The following AUH variants were observed in gnomAD, a reference collection of about 807,000 sequenced individuals.
AUH encodes AU RNA binding methylglutaconyl-CoA hydratase.
In AUH, 29 loss-of-function variants were observed where a neutral mutation model predicts 42.3. The ratio of observed to expected loss-of-function variants is 0.69; its 90% CI spans 0.51 to 0.93. The LOEUF is 0.93. AUH is among the 40% of genes least tolerant of loss of function. AUH has a pLI of 0.00. For missense variants in AUH, 452 were observed against 438.1 expected (o/e 1.03, Z -0.28); for synonymous variants, 174 against 166.4 (o/e 1.05, Z -0.35).
intron 3 of AUH, among the ~76,000 whole-genome samples, chr9:91,331,663 C>T (rs1273850066): frequency 6.6e-6 from 1 of 152,136 alleles, no homozygotes; most frequent in Non-Finnish European, 1.5e-5. Context: ...ATTTTAAACA[C>T]CACCCACTAT....
At chr9:91,264,227 T>C (rs893719214) in intron 6 of AUH, among the ~76,000 whole-genome samples, 1 of 152,218 alleles carries the variant, frequency 6.6e-6, no homozygotes, top group African/African-American at 2.4e-5. Flanking sequence ...TGTCATAATC[T>C]GACCACTACA....
intron 4 of AUH, among the ~76,000 whole-genome samples, chr9:91,308,022 C>T (rs62565788): frequency 0.052 from 7,978 of 152,150 alleles, 436 homozygotes; most frequent in East Asian, 0.31. Context: ...TAAGGTAGTA[C>T]CAAAATACAA....
intron 3 of AUH, among the ~76,000 whole-genome samples, chr9:91,330,657 A>G (rs963484157): frequency 2.0e-5 from 3 of 152,184 alleles, no homozygotes; most frequent in Non-Finnish European, 4.4e-5. Context: ...ACTATTAGAA[A>G]CAGCTAAAAG....
chr9:91,281,508 G>A (rs972360006), intron 6 of AUH, among the ~76,000 whole-genome samples: 15 of 152,098 alleles, frequency 9.9e-5, no homozygotes, highest in African/African-American at 3.1e-4. Flanking sequence ...GGCTGCTCTC[G>A]AAAACTCCAC....
intron 6 of AUH, among the ~76,000 whole-genome samples, chr9:91,265,423 G>A (rs1829921523): frequency 6.6e-6 from 1 of 151,684 alleles, no homozygotes; most frequent in African/African-American, 2.4e-5. Context: ...TTCTGTATTA[G>A]CTGTTTCCTT....
chr9:91,275,481 T>C (rs999258274), intron 6 of AUH, among the ~76,000 whole-genome samples: 1 of 152,190 alleles, frequency 6.6e-6, no homozygotes, highest in Admixed American at 6.5e-5. Context: ...TGGCTGGGAA[T>C]AGAACGGGAA....
intron 6 of AUH, among the ~76,000 whole-genome samples, chr9:91,232,855 C>G (rs1827966411): frequency 2.0e-5 from 3 of 152,302 alleles, no homozygotes; most frequent in African/African-American, 7.2e-5. Context: ...TAACCCACTG[C>G]TCTAAAACAG....
At position 91,221,010 on chromosome 9, in the gene AUH, G is replaced by C; in HGVS notation, c.656-18C>G. On this transcript the variant is annotated intron_variant, in intron 6 of 9. Transcript: ENST00000375731. ...TGTCCCCCCTGAGGGGTGAAAGAGA[G>C]AGAAAAGGCAATGATTTGACACCTG... 6.2e-7 allele frequency: 1 copy of C among 1,613,618 alleles called. No homozygotes were observed. The highest frequency in any genetic ancestry group is 2.2e-5 in the East Asian group (1 of 44,886).
intron 3 of AUH, among the ~76,000 whole-genome samples, chr9:91,354,661 T>A (rs1832269327): frequency 6.6e-6 from 1 of 152,230 alleles, no homozygotes; most frequent in African/African-American, 2.4e-5. Context: ...AATGCCGGGA[T>A]GACCACTAAC....
At chr9:91,242,243 T>TTA (rs1564023787) in intron 6 of AUH, among the ~76,000 whole-genome samples, 1 of 152,310 alleles carries the variant, frequency 6.6e-6, no homozygotes, top group East Asian at 1.9e-4. Context: ...ACAGGCAGCA[T>TTA]TACACTGTGT....
At position 91,322,704 on chromosome 9, in the gene AUH, T is replaced by C. The variant is rs182221848; in HGVS notation, c.505+2614A>G. On this transcript the variant is annotated intron_variant, in intron 4 of 9. Transcript: ENST00000375731. ...CTCATTCTATGAAGACAAATAACCT[T>C]CACACCAAACCAAAAAAGAATAACA... is the stretch of plus-strand genomic sequence containing the variant. Among the ~76,000 whole-genome samples, 296 of 152,162 alleles carry C rather than the reference T, an allele frequency of 1.9e-3. 1 individual carries two copies. The highest frequency in any genetic ancestry group is 6.7e-3 in the African/African-American group (279 of 41,506).
At chr9:91,287,918 G>A (rs558051083) in intron 6 of AUH, among the ~76,000 whole-genome samples, 146 of 152,164 alleles carry the variant, frequency 9.6e-4, no homozygotes, top group African/African-American at 3.4e-3. Context: ...ATTTTGAAAT[G>A]TTTCTATGAG....
At chr9:91,215,622 A>AT in intron 9 of AUH, among the ~76,000 whole-genome samples, 1 of 152,200 alleles carries the variant, frequency 6.6e-6, no homozygotes, top group Non-Finnish European at 1.5e-5. Context: ...AAATAAAACT[A>AT]TAATTTCATT....
intron 6 of AUH, among the ~76,000 whole-genome samples, chr9:91,231,820 G>A (rs980475224): frequency 3.3e-5 from 5 of 151,896 alleles, no homozygotes; most frequent in African/African-American, 4.8e-5. Context: ...CAGGGATTAC[G>A]ACATCAGCAA....
chr9:91,268,157 A>G (rs1423389057), intron 6 of AUH, among the ~76,000 whole-genome samples: 3 of 152,236 alleles, frequency 2.0e-5, no homozygotes, highest in Non-Finnish European at 2.9e-5. Context: ...GCTTTTTACC[A>G]TTAAAACTTT....
chr9:91,229,650 C>G (rs975621015), intron 6 of AUH, among the ~76,000 whole-genome samples: 1 of 151,862 alleles, frequency 6.6e-6, no homozygotes, highest in Non-Finnish European at 1.5e-5. Context: ...TTCCTAGTCT[C>G]GATGGTCTTT....
At chr9:91,353,899 T>C (rs1186841334) in intron 3 of AUH, among the ~76,000 whole-genome samples, 4 of 148,532 alleles carry the variant, frequency 2.7e-5, no homozygotes, top group South Asian at 2.1e-4. Context: ...AAAGAGGCCA[T>C]GTGTGGCCTG....
intron 6 of AUH, among the ~76,000 whole-genome samples, chr9:91,273,124 G>C (rs1825283481): frequency 6.6e-6 from 1 of 152,194 alleles, no homozygotes; most frequent in Non-Finnish European, 1.5e-5. Context: ...GCAAAAACCA[G>C]TAAGACACCA....
At chr9:91,227,810 T>C (rs1827605621) in intron 6 of AUH, among the ~76,000 whole-genome samples, 1 of 152,192 alleles carries the variant, frequency 6.6e-6, no homozygotes, top group African/African-American at 2.4e-5. Context: ...ATTGAGATAA[T>C]CATGTGGTTT....
Sources: gnomAD v4.1 joint callset for allele counts (sites outside exome capture counted in the v4.1 genomes callset) on GRCh38, gnomAD v4.1.1 for gene constraint, MANE v1.5 for transcripts, NCBI Gene and HGNC (gene_info 2026-07-23, HGNC 2026-07-21) for gene names.